Variants in ARHGEF4 observed in about 807,000 individuals in gnomAD.
The protein encoded by ARHGEF4 is APC-stimulated guanine nucleotide exchange factor 1.
A neutral mutation model predicts 162.0 loss-of-function variants in ARHGEF4; 119 were observed. The observed-to-expected ratio is 0.73, with a 90% confidence interval of 0.63 to 0.86. The LOEUF (loss-of-function observed/expected upper bound fraction) is 0.86, where lower values mean the gene tolerates loss of function less well. Among genes scored for constraint, ARHGEF4 ranks in the 40% least tolerant of loss-of-function variants. ARHGEF4 has a pLI of 0.00. For missense variants in ARHGEF4, 2,488 were observed against 2,456.0 expected (o/e 1.01, Z -0.28); for synonymous variants, 1,014 against 979.9 (o/e 1.03, Z -0.65).
At chr2:131,024,571 GC>G (rs1445017710) in intron 4 of ARHGEF4, among the ~76,000 whole-genome samples, 2 of 152,164 alleles carry the variant, frequency 1.3e-5, no homozygotes, top group Non-Finnish European at 2.9e-5. Context: ...CACCGCACCT[GC>G]CAATAAAAAC....
chr2:130,930,069 A>G (rs1227511470), intron 2 of ARHGEF4, among the ~76,000 whole-genome samples: 2 of 151,848 alleles, frequency 1.3e-5, no homozygotes, highest in Non-Finnish European at 2.9e-5. Context: ...AGTTTTTTGT[A>G]TTTTTAGTAG....
Position 131,041,835 on chromosome 2 carries a change from C to T in ARHGEF4, c.4916C>T (p.Ala1639Val), listed in dbSNP as rs770865778. ...CCCAGGGACTTCAAGGATGTTGAAG[C>T]CGCCTTGCATGCCATGAAGAACGTG... ...PQHRDFKDVE[A>V]ALHAMKNVAQ... The change falls in exon 10 of 14, where the codon GCC becomes GTC. Residue 1639 changes from alanine (A) to valine (V), a missense_variant. Transcript: ENST00000409359. 6.0e-5 allele frequency: 96 copies of T among 1,613,318 alleles called. No homozygotes were observed. The highest frequency in any genetic ancestry group is 7.8e-5 in the Non-Finnish European group (92 of 1,179,994).
At chr2:130,866,379 C>T (rs564092105) in intron 1 of ARHGEF4, among the ~76,000 whole-genome samples, 9 of 152,166 alleles carry the variant, frequency 5.9e-5, no homozygotes, top group East Asian at 3.9e-4. Flanking sequence ...AGCGAAACTC[C>T]GTCTGGAAAA....
chr2:130,992,444 C>G (rs1472094013), intron 4 of ARHGEF4, among the ~76,000 whole-genome samples: 1 of 152,018 alleles, frequency 6.6e-6, no homozygotes, highest in East Asian at 1.9e-4. Context: ...CACGAGCCCA[C>G]CGGGAGGAAC....
chr2:130,867,579 A>G (rs1682376616), intron 1 of ARHGEF4, among the ~76,000 whole-genome samples: 3 of 152,084 alleles, frequency 2.0e-5, no homozygotes, highest in South Asian at 2.1e-4. Flanking sequence ...AATATTTTCT[A>G]ATTTCAGTTG....
chr2:130,842,487 C>A (rs555662979), intron 1 of ARHGEF4, among the ~76,000 whole-genome samples: 31 of 152,312 alleles, frequency 2.0e-4, no homozygotes, highest in African/African-American at 7.0e-4. Context: ...TGTGTTATTA[C>A]CTCACTTTAA....
intron 4 of ARHGEF4, among the ~76,000 whole-genome samples, chr2:130,967,967 AG>A (rs1184284037): frequency 6.6e-6 from 1 of 152,194 alleles, no homozygotes; most frequent in African/African-American, 2.4e-5. Flanking sequence ...ATTGCCAACC[AG>A]ATAAGTTCCC....
chr2:130,985,837 C>T lies in ARHGEF4; in HGVS notation c.3985+39202C>T, dbSNP rs114410186. On this transcript the variant is annotated intron_variant, in intron 4 of 13. Coordinates refer to ENST00000409359, the MANE Select transcript of ARHGEF4 (RefSeq NM_001367493.1). Reference sequence around the variant, plus strand: ...TTGTGTATATGTTGTGTGTGTTGTACGTGCATGGTGTGTTTTGTATATGTT... The same window carrying T: ...TTGTGTATATGTTGTGTGTGTTGTATGTGCATGGTGTGTTTTGTATATGTT... 3.1e-3 allele frequency among the ~76,000 whole-genome samples: 465 copies of T among 150,622 alleles called. 5 individuals are homozygous for T. Among genetic ancestry groups the T allele is most frequent in the East Asian group, 0.024 (121 of 5,098 alleles).
At chr2:130,926,056 T>TTCTTTCTCTCTCTC (rs1559043915) in intron 2 of ARHGEF4, among the ~76,000 whole-genome samples, 3 of 103,072 alleles carry the variant, frequency 2.9e-5, no homozygotes, top group Admixed American at 1.0e-4. Context: ...TTCTCTTTCT[T>TTCTTTCTCTCTCTC]TCTTTCTTTC....
chr2:130,914,239 A>G lies in ARHGEF4; in HGVS notation c.293A>G (p.Asp98Gly). The G allele has an allele frequency of 6.5e-7, 1 of 1,535,476 alleles. No individual in the cohort carries two copies. Among genetic ancestry groups the G allele is most frequent in the Non-Finnish European group, 8.7e-7 (1 of 1,146,520 alleles). ...VFHPLRGTPVDIEAPWEYPDV... is the reference protein window; with the variant it reads ...VFHPLRGTPVGIEAPWEYPDV... Reference sequence around the variant, plus strand: ...CACCCTCTAAGAGGTACTCCCGTAGATATAGAAGCACCTTGGGAATACCCT... The same window carrying G: ...CACCCTCTAAGAGGTACTCCCGTAGGTATAGAAGCACCTTGGGAATACCCT... The change falls in exon 2 of 14, where the codon GAT (aspartate) becomes GGT (glycine). Residue 98 changes from aspartate to glycine, a missense_variant. Physicochemically the swap from Asp to Gly is moderately conservative, Grantham distance 94. Transcript: ENST00000409359.
chr2:130,864,452 C>G (rs945923891), intron 1 of ARHGEF4, among the ~76,000 whole-genome samples: 1 of 151,956 alleles, frequency 6.6e-6, no homozygotes, highest in Non-Finnish European at 1.5e-5. Context: ...TGGCCAGGCA[C>G]GCTGGCTCAC....
At chr2:131,014,040 T>C (rs1688630902) in intron 4 of ARHGEF4, among the ~76,000 whole-genome samples, 1 of 152,202 alleles carries the variant, frequency 6.6e-6, no homozygotes, top group African/African-American at 2.4e-5. Flanking sequence ...AGGGTGAAAA[T>C]AATGAAAATT....
chr2:131,043,235 C>T lies in ARHGEF4; in HGVS notation c.5026-217C>T, dbSNP rs1690956557. Among the ~76,000 whole-genome samples, 4 of 152,208 alleles carry T rather than the reference C, an allele frequency of 2.6e-5. 1 individual carries two copies. In the South Asian group the frequency reaches 8.3e-4, roughly 32 times the overall value. ...CCACACTTCCAGTGCCCAACAGCCA[C>T]CAGAGGCCACTGGTGACAGGGGGCT... On this transcript the variant is annotated intron_variant, in intron 10 of 13. Transcript: ENST00000409359.
chr2:130,872,686 C>G (rs1678569431), intron 1 of ARHGEF4, among the ~76,000 whole-genome samples: 1 of 152,198 alleles, frequency 6.6e-6, no homozygotes. Context: ...AGATCCTCAG[C>G]AGAGGGAAGA....
intron 3 of ARHGEF4, 132 bp from the exon 4 acceptor site, chr2:130,946,377 G>C (rs1683618376): frequency 9.0e-7 from 1 of 1,111,218 alleles, no homozygotes; most frequent in African/African-American, 1.6e-5. Flanking sequence ...ATCCCCTGGA[G>C]CTGTGCATAT....
chr2:130,968,346 A>G (rs1286476693), intron 4 of ARHGEF4, among the ~76,000 whole-genome samples: 1 of 152,232 alleles, frequency 6.6e-6, no homozygotes, highest in African/African-American at 2.4e-5. Flanking sequence ...CCAGGAAGGA[A>G]ATGGTTCAGA....
At chr2:130,873,466 G>A (rs1439351594) in intron 1 of ARHGEF4, among the ~76,000 whole-genome samples, 1 of 151,794 alleles carries the variant, frequency 6.6e-6, no homozygotes, top group Non-Finnish European at 1.5e-5. Flanking sequence ...GCGGGCACCT[G>A]TAATCCTAGC....
intron 4 of ARHGEF4, among the ~76,000 whole-genome samples, chr2:130,955,281 A>C (rs947871534): frequency 6.6e-6 from 1 of 152,298 alleles, no homozygotes; most frequent in Middle Eastern, 3.4e-3. Flanking sequence ...TCATTCTCAC[A>C]GGCAGTTTCT....
Position 130,876,348 on chromosome 2 carries a change from G to A in ARHGEF4, c.40-37638G>A, listed in dbSNP as rs553830288. Among the ~76,000 whole-genome samples, 5 of 152,298 alleles carry A rather than the reference G, an allele frequency of 3.3e-5. No individual in the cohort carries two copies. The East Asian group carries it at 9.7e-4, about 29-fold the overall frequency. ...ATGGAAATGCCAGCACTTAGAGAAC[G>A]CTTTCTGTGGGACTGACTGTGTGCT... On this transcript the variant is annotated intron_variant, in intron 1 of 13. Coordinates refer to ENST00000409359, the MANE Select transcript of ARHGEF4 (RefSeq NM_001367493.1).
Sources: gnomAD v4.1 joint callset for allele counts (sites outside exome capture counted in the v4.1 genomes callset) on GRCh38, gnomAD v4.1.1 for gene constraint, MANE v1.5 for transcripts, NCBI Gene and HGNC (gene_info 2026-07-23, HGNC 2026-07-21) for gene names.